The following CHD1L variants were observed in gnomAD, a reference collection of about 807,000 sequenced individuals.
CHD1L encodes ATP-dependent chromatin remodeler CHD1L.
In CHD1L, 118 loss-of-function variants were observed where a neutral mutation model predicts 115.9. That is an observed-to-expected ratio of 1.02 (90% CI 0.88 to 1.19). The LOEUF (loss-of-function observed/expected upper bound fraction) is 1.19, where lower values mean the gene tolerates loss of function less well. Ranked by LOEUF, CHD1L falls within the 50% of genes most tolerant of loss-of-function variation. CHD1L has a pLI of 0.00. For synonymous variants in CHD1L, 411 were observed against 387.1 expected (o/e 1.06, Z -0.72); for missense variants, 1,179 against 1,065.3 (o/e 1.11, Z -1.49).
chr1:147,197,440 C>T, the CHD1L span, among the ~76,000 whole-genome samples: 5 of 152,158 alleles, frequency 3.3e-5, no homozygotes, highest in East Asian at 9.7e-4. Flanking sequence ...GTGTCCCCAC[C>T]CAAATCTTAT....
chr1:147,211,929 G>T, the CHD1L span, among the ~76,000 whole-genome samples: 1 of 152,160 alleles, frequency 6.6e-6, no homozygotes, highest in African/African-American at 2.4e-5. Context: ...CATTTGGGGA[G>T]TGTAAAGGAA....
chr1:147,274,852 C>T (rs1328573838), intron 12 of CHD1L, among the ~76,000 whole-genome samples: 1 of 152,164 alleles, frequency 6.6e-6, no homozygotes, highest in East Asian at 1.9e-4. Flanking sequence ...CCACTCTGCT[C>T]AGGAGTATAA....
In CHD1L at chr1:147,284,455, G is replaced by A. The variant is rs1682246495; in HGVS notation, c.1810G>A (p.Glu604Lys). Residue 604 changes from glutamate to lysine, a missense_variant, in exon 16 of 23, where the codon GAG becomes AAG. Transcript: ENST00000369258. ...QLVNLQKTLL[E>K]KASQEGRSLR... is the part of the protein sequence containing the mutation. ...GGTAAACCTTCAGAAAACCCTTTTG[G>A]AGAAAGCTAGTCAAGAGGGCCGATC... 1 of 1,611,918 alleles carries A rather than the reference G, an allele frequency of 6.2e-7. No homozygotes were observed. The highest frequency in any genetic ancestry group is 1.1e-5 in the South Asian group (1 of 90,600).
intron 6 of CHD1L, 45 bp from the exon 7 acceptor site, chr1:147,264,377 T>C: frequency 6.6e-7 from 1 of 1,511,534 alleles, no homozygotes; most frequent in African/African-American, 1.4e-5. Context: ...CAGCCTTGCA[T>C]TCCAGTGTTA....
intron 19 of CHD1L, among the ~76,000 whole-genome samples, chr1:147,288,345 AAG>A (rs1330876751): frequency 0.016 from 34 of 2,092 alleles, no homozygotes; most frequent in Non-Finnish European, 0.024. Flanking sequence ...AAAAAAAAAA[AAG>A]AAAAAGAGAA....
At chr1:147,285,294 C>A (rs1682622012) in intron 16 of CHD1L, 30 bp from the exon 17 acceptor site, 1 of 1,598,060 alleles carries the variant, frequency 6.3e-7, no homozygotes, top group African/African-American at 1.4e-5. Context: ...ATCTTCTTGA[C>A]CCTGGTGATG....
At chr1:147,283,662 GTTA>G (rs1378849137) in intron 15 of CHD1L, among the ~76,000 whole-genome samples, 12 of 152,202 alleles carry the variant, frequency 7.9e-5, no homozygotes, top group South Asian at 2.1e-4. Flanking sequence ...TGTCTTCATT[GTTA>G]TTATTACCAC....
chr1:147,252,886 CCTTCCCTGTA>C, intron 2 of CHD1L, 151 bp downstream of exon 2: 1 of 640,938 alleles, frequency 1.6e-6, no homozygotes, highest in Non-Finnish European at 2.7e-6. Flanking sequence ...CGGGAAAGGG[CCTTCCCTGTA>C]CAGTCTTCTC....
intron 11 of CHD1L, among the ~76,000 whole-genome samples, chr1:147,271,398 G>C (rs377452253): frequency 7.9e-5 from 12 of 152,174 alleles, no homozygotes; most frequent in Non-Finnish European, 1.8e-4. Context: ...AAATTATAGA[G>C]ATAACAAATA....
intron 5 of CHD1L, among the ~76,000 whole-genome samples, chr1:147,257,341 G>A (rs1670470377): frequency 6.6e-6 from 1 of 151,128 alleles, no homozygotes; most frequent in African/African-American, 2.4e-5. Flanking sequence ...CTATTTTCAT[G>A]TTATTTTGAA....
At chr1:147,236,738 G>C in the CHD1L span, among the ~76,000 whole-genome samples, 1 of 152,218 alleles carries the variant, frequency 6.6e-6, no homozygotes, top group African/African-American at 2.4e-5. Flanking sequence ...GGGGTGGGTA[G>C]CTCCTCTCTG....
chr1:147,187,024 T>A, the CHD1L span: 1 of 1,614,116 alleles, frequency 6.2e-7, no homozygotes, highest in Non-Finnish European at 8.5e-7. Flanking sequence ...CCTGATGCGA[T>A]CATCTGTGGT....
chr1:147,286,472 C>T lies in CHD1L; in HGVS notation c.2193C>T (p.Ala731=), dbSNP rs201230867. The part of the protein sequence containing the change: ...SGDVTHPQAG[A]EDALIVHCVD... ...ATGTCACCCACCCTCAGGCTGGGGC[C>T]GAGGATGCTCTCATTGTGCACTGCG... The change falls in exon 18 of 23, where the codon GCC becomes GCT. Residue 731 remains alanine (A), a synonymous_variant. Transcript: ENST00000369258. 6.0e-5 allele frequency: 97 copies of T among 1,613,828 alleles called. 1 individual carries two copies. The East Asian group carries it at 7.8e-4, about 13-fold the overall frequency.
the CHD1L span, among the ~76,000 whole-genome samples, chr1:147,226,399 G>A: frequency 6.6e-6 from 1 of 152,126 alleles, no homozygotes; most frequent in Non-Finnish European, 1.5e-5. Context: ...GATTAGTGGA[G>A]GAGACCAAAA....
At chr1:147,290,699 G>A (rs781830068) in intron 19 of CHD1L, among the ~76,000 whole-genome samples, 1 of 151,804 alleles carries the variant, frequency 6.6e-6, no homozygotes, top group African/African-American at 2.4e-5. Flanking sequence ...TGTCACCCAG[G>A]CTGGAGTGCA....
chr1:147,202,307 C>T, the CHD1L span, among the ~76,000 whole-genome samples: 3 of 106,586 alleles, frequency 2.8e-5, no homozygotes, highest in African/African-American at 1.1e-4. Context: ...TTCTAAAAAG[C>T]AGTTCTTTTT....
chr1:147,224,764 C>T, the CHD1L span: 5 of 783,924 alleles, frequency 6.4e-6, no homozygotes, highest in East Asian at 1.3e-4. Flanking sequence ...CCCGCCTCGG[C>T]CTCCCAAAGT....
the CHD1L span, among the ~76,000 whole-genome samples, chr1:147,227,017 T>C: frequency 6.6e-6 from 1 of 152,048 alleles, no homozygotes; most frequent in Non-Finnish European, 1.5e-5. Context: ...TTTGTAGAAA[T>C]GAGGTTTCAC....
intron 6 of CHD1L, among the ~76,000 whole-genome samples, chr1:147,261,772 C>G (rs1172456869): frequency 1.3e-5 from 2 of 152,222 alleles, no homozygotes; most frequent in Middle Eastern, 3.4e-3. Flanking sequence ...TCTAAGCATT[C>G]CTTTTTAGAT....
Sources: allele counts gnomAD v4.1 joint callset (sites outside exome capture counted in the v4.1 genomes callset), GRCh38; gene constraint gnomAD v4.1.1; transcripts MANE v1.5; gene names NCBI Gene and HGNC (gene_info 2026-07-23, HGNC 2026-07-21).